PLD5: variants seen among roughly 807,000 people sequenced by gnomAD.
PLD5 encodes phospholipase D family member 5.
In PLD5, 36 loss-of-function variants were observed where a neutral mutation model predicts 61.1. The observed-to-expected ratio is 0.59, with a 90% CI of 0.45 to 0.78. The LOEUF is 0.78. Ranked by LOEUF, PLD5 falls within the 30% of genes least tolerant of loss-of-function variation. The probability of loss-of-function intolerance (pLI) is 0.00; values close to 1 mark genes in which losing one functional copy is unlikely to be tolerated. For missense variants in PLD5, 515 were observed against 644.4 expected, an observed-to-expected ratio of 0.80 and a Z score of 2.17; for synonymous variants, 243 against 242.8, an observed-to-expected ratio of 1.00 and a Z score of -0.01.
intron 9 of PLD5, among the ~76,000 whole-genome samples, chr1:242,091,184 C>T (rs1030145889): frequency 9.2e-5 from 14 of 152,106 alleles, no homozygotes; most frequent in African/African-American, 2.4e-4. Context: ...TTTAACTTGA[C>T]GATTTCTCTA....
At chr1:242,183,917 T>A (rs192086060) in intron 5 of PLD5, among the ~76,000 whole-genome samples, 15,937 of 151,820 alleles carry the variant, frequency 0.1, 1,415 homozygotes, top group East Asian at 0.42. Context: ...TAAATAAAAA[T>A]AAATAAAAGA....
intron 3 of PLD5, among the ~76,000 whole-genome samples, chr1:242,272,480 TG>T (rs929135483): frequency 6.6e-6 from 1 of 152,216 alleles, no homozygotes; most frequent in Non-Finnish European, 1.5e-5. Context: ...TACAAAAATC[TG>T]TCTTGTAACT....
intron 1 of PLD5, among the ~76,000 whole-genome samples, chr1:242,506,969 G>A (rs1014880120): frequency 1.3e-5 from 2 of 152,140 alleles, no homozygotes; most frequent in African/African-American, 2.4e-5. Flanking sequence ...CACCACCACC[G>A]TCCTCAGTAG....
intron 1 of PLD5, among the ~76,000 whole-genome samples, chr1:242,494,116 C>A (rs1668280979): frequency 7.2e-6 from 1 of 139,666 alleles, no homozygotes; most frequent in Non-Finnish European, 1.5e-5. Context: ...CTCTCCTCCC[C>A]TCTCCTCCCC....
At chr1:242,502,524 G>C (rs916348784) in intron 1 of PLD5, among the ~76,000 whole-genome samples, 1 of 152,072 alleles carries the variant, frequency 6.6e-6, no homozygotes, top group Non-Finnish European at 1.5e-5. Context: ...AACAAAACAT[G>C]CAACACTGTT....
In PLD5 at chr1:242,140,054, C is replaced by T. The variant is rs566225271; in HGVS notation, c.736-15389G>A. Among the ~76,000 whole-genome samples, 15 of 152,322 alleles carry T rather than the reference C, an allele frequency of 9.8e-5. No homozygotes were observed. In the South Asian group the frequency reaches 1.2e-3, roughly 13 times the overall value. On this transcript the variant is annotated intron_variant, in intron 5 of 9. Transcript: ENST00000536534. ...GCAGTACCTAGAGGTACAGCCCCTA[C>T]GTGTGCTTCTGCATTGCAGGAAAAC...
chr1:242,139,637 C>T (rs1169530334), intron 5 of PLD5, among the ~76,000 whole-genome samples: 3 of 152,210 alleles, frequency 2.0e-5, no homozygotes, highest in Non-Finnish European at 2.9e-5. Context: ...TCCTTTTGCG[C>T]CTTGCAGTGG....
In PLD5 at chr1:242,251,686, T is replaced by C. The variant is rs74150901; in HGVS notation, c.607+13651A>G. 8.9e-3 allele frequency among the ~76,000 whole-genome samples: 1,362 copies of C among 152,232 alleles called. 18 individuals are homozygous for C. The highest frequency in any genetic ancestry group is 0.031 in the African/African-American group (1,302 of 41,536). ...GGGATCTAGGATGGATAGTGCCAAG[T>C]TCTTTTTCCTTTCCCCTCATTGACT... On this transcript the variant is annotated intron_variant, in intron 4 of 9. Transcript: ENST00000536534.
rs116087647 is a variant in PLD5, at chr1:242,217,637, T to A, written c.735+2351A>T. ...AAAACTCCATCTCAAAAAAAGAACA[T>A]TTGGGATTTACGGGAGAAGGTCAAC... On this transcript the variant is annotated intron_variant, in intron 5 of 9. Transcript: ENST00000536534. Among the ~76,000 whole-genome samples, 808 of 152,132 alleles carry A rather than the reference T, an allele frequency of 5.3e-3. 6 individuals carry two copies. The highest frequency in any genetic ancestry group is 0.019 in the African/African-American group (789 of 41,512).
chr1:242,187,087 G>A (rs539076224), intron 5 of PLD5, among the ~76,000 whole-genome samples: 1 of 152,316 alleles, frequency 6.6e-6, no homozygotes, highest in Non-Finnish European at 1.5e-5. Context: ...GGTTGATCCA[G>A]CATCTGGCCA....
chr1:242,385,870 T>C (rs1324856442), intron 1 of PLD5, among the ~76,000 whole-genome samples: 2 of 152,134 alleles, frequency 1.3e-5, no homozygotes, highest in Admixed American at 1.3e-4. Context: ...TGCCATACAC[T>C]GAGTGTATTT....
At chr1:242,418,744 T>C (rs565117084) in intron 1 of PLD5, among the ~76,000 whole-genome samples, 2 of 152,308 alleles carry the variant, frequency 1.3e-5, no homozygotes, top group East Asian at 1.9e-4. Flanking sequence ...AGCATGATAC[T>C]CTTAAATGTC....
intron 1 of PLD5, among the ~76,000 whole-genome samples, chr1:242,441,315 T>G (rs1666263207): frequency 6.6e-6 from 1 of 152,128 alleles, no homozygotes; most frequent in Non-Finnish European, 1.5e-5. Context: ...GTGTATGGTA[T>G]GTTTTTAGTA....
upstream of PLD5, chr1:242,524,709 C>G (rs1260164326): frequency 9.0e-6 from 1 of 111,154 alleles, no homozygotes; most frequent in South Asian, 3.2e-4. Context: ...GGACCCGGGC[C>G]GGCTCCCGGG....
At chr1:242,411,328 C>A (rs369615713) in intron 1 of PLD5, among the ~76,000 whole-genome samples, 1 of 152,294 alleles carries the variant, frequency 6.6e-6, no homozygotes, top group South Asian at 2.1e-4. Context: ...CTCCGCCTCC[C>A]GGGTTCACGC....
intron 1 of PLD5, among the ~76,000 whole-genome samples, chr1:242,433,283 A>G (rs529492330): frequency 3.9e-5 from 6 of 152,304 alleles, no homozygotes; most frequent in Admixed American, 2.6e-4. Flanking sequence ...CAAAAACCAC[A>G]CAAGTATTAA....
chr1:242,470,174 T>G (rs1342061978), intron 1 of PLD5, among the ~76,000 whole-genome samples: 5 of 151,902 alleles, frequency 3.3e-5, no homozygotes, highest in Admixed American at 6.6e-5. Context: ...ACCCCGTCTC[T>G]ACTAAAAATA....
intron 4 of PLD5, among the ~76,000 whole-genome samples, chr1:242,252,321 C>A (rs137860785): frequency 6.6e-6 from 1 of 152,176 alleles, no homozygotes; most frequent in South Asian, 2.1e-4. Context: ...GGGATGTCCA[C>A]GGAGTCACAG....
intron 1 of PLD5, among the ~76,000 whole-genome samples, chr1:242,415,511 ATTT>A (rs397860268): frequency 2.2e-4 from 28 of 129,808 alleles, no homozygotes; most frequent in African/African-American, 3.9e-4. Flanking sequence ...AGCCATAAAG[ATTT>A]TTTTTTTTTT....
Sources: gnomAD v4.1 joint callset for allele counts (sites outside exome capture counted in the v4.1 genomes callset) on GRCh38, gnomAD v4.1.1 for gene constraint, MANE v1.5 for transcripts, NCBI Gene and HGNC (gene_info 2026-07-23, HGNC 2026-07-21) for gene names.